PTPRK: variants seen among roughly 807,000 people sequenced by gnomAD.
PTPRK encodes the protein protein tyrosine phosphatase receptor type K.
In PTPRK, 75 loss-of-function variants were observed where a neutral mutation model predicts 178.0. The observed-to-expected ratio is 0.42, with a 90% confidence interval of 0.35 to 0.51. The LOEUF (loss-of-function observed/expected upper bound fraction) is 0.51. Among genes scored for constraint, PTPRK ranks in the 20% least tolerant of loss-of-function variants. The pLI, the probability that PTPRK is intolerant of heterozygous loss-of-function variation, is 0.02. For synonymous variants in PTPRK, 637 were observed against 620.6 expected, an observed-to-expected ratio of 1.03 and a Z score of -0.39; for missense variants, 1,441 against 1,797.8, an observed-to-expected ratio of 0.80 and a Z score of 3.59.
intron 6 of PTPRK, among the ~76,000 whole-genome samples, chr6:128,216,789 C>T (rs141459527): frequency 3.3e-5 from 5 of 150,866 alleles, no homozygotes; most frequent in Admixed American, 6.6e-5. Flanking sequence ...AGAAAATGTT[C>T]GCATGAAAGA....
At chr6:128,488,291 T>C (rs938900593) in intron 1 of PTPRK, among the ~76,000 whole-genome samples, 8 of 152,338 alleles carry the variant, frequency 5.3e-5, no homozygotes, top group Middle Eastern at 3.4e-3. Flanking sequence ...TTATTCTAGC[T>C]GCGCTGGCAG....
chr6:128,078,985 G>A, intron 10 of PTPRK, 67 bp from the exon 11 acceptor site: 2 of 1,041,608 alleles, frequency 1.9e-6, no homozygotes, highest in Admixed American at 1.9e-5. Flanking sequence ...AGGTCAGAAT[G>A]AACAGACAAT....
chr6:128,496,189 G>A (rs1019756938), intron 1 of PTPRK, among the ~76,000 whole-genome samples: 1 of 152,146 alleles, frequency 6.6e-6, no homozygotes, highest in Non-Finnish European at 1.5e-5. Flanking sequence ...GCTGAAGACT[G>A]AGAGTGTCTT....
intron 7 of PTPRK, among the ~76,000 whole-genome samples, chr6:128,139,886 C>CT (rs1281065259): frequency 8.9e-5 from 3 of 33,636 alleles, no homozygotes; most frequent in African/African-American, 2.4e-4. Context: ...TCACTAGCAA[C>CT]ATTTTTTTTT....
At chr6:128,235,183 T>C (rs1405801551) in intron 5 of PTPRK, among the ~76,000 whole-genome samples, 1 of 152,074 alleles carries the variant, frequency 6.6e-6, no homozygotes, top group East Asian at 1.9e-4. Flanking sequence ...ATAAAAATAA[T>C]TCAAGAATAT....
At chr6:128,152,111 G>C (rs975110854) in intron 7 of PTPRK, among the ~76,000 whole-genome samples, 2 of 151,958 alleles carry the variant, frequency 1.3e-5, no homozygotes, top group Non-Finnish European at 2.9e-5. Context: ...GAAGGTAGAA[G>C]GGAGGACATT....
chr6:128,493,591 TACACACACAC>T (rs59656384), intron 1 of PTPRK, among the ~76,000 whole-genome samples: 9,148 of 123,902 alleles, frequency 0.074, 471 homozygotes, highest in East Asian at 0.24. Flanking sequence ...TCCCGCCCCC[TACACACACAC>T]ACACACACAC....
chr6:128,358,225 A>G (rs1834215101), intron 2 of PTPRK, among the ~76,000 whole-genome samples: 1 of 152,248 alleles, frequency 6.6e-6, no homozygotes, highest in Non-Finnish European at 1.5e-5. Flanking sequence ...ACAATTTACT[A>G]TAATGGTCCT....
intron 21 of PTPRK, among the ~76,000 whole-genome samples, chr6:127,988,316 T>C (rs1406520042): frequency 6.7e-6 from 1 of 148,258 alleles, no homozygotes; most frequent in Non-Finnish European, 1.5e-5. Flanking sequence ...TTTTTTTTTT[T>C]TTTTTGAGAC....
At chr6:128,106,134 T>A (rs1789680499) in intron 7 of PTPRK, among the ~76,000 whole-genome samples, 3 of 152,144 alleles carry the variant, frequency 2.0e-5, no homozygotes, top group Non-Finnish European at 1.5e-5. Context: ...CTTATAGAGT[T>A]GAATTAAGGA....
intron 2 of PTPRK, among the ~76,000 whole-genome samples, chr6:128,360,704 A>G (rs749866413): frequency 2.6e-5 from 4 of 152,162 alleles, no homozygotes; most frequent in South Asian, 2.1e-4. Flanking sequence ...ATGAGCATCA[A>G]TTAAACTTTT....
chr6:128,017,802 GTATATATATATA>G (rs34836605), intron 13 of PTPRK, among the ~76,000 whole-genome samples: 2,335 of 101,246 alleles, frequency 0.023, 110 homozygotes, highest in African/African-American at 0.073. Flanking sequence ...ATATATATGT[GTATATATATATA>G]TATATATATA....
At chr6:128,258,881 G>T (rs1343968856) in intron 3 of PTPRK, among the ~76,000 whole-genome samples, 1 of 152,070 alleles carries the variant, frequency 6.6e-6, no homozygotes, top group Non-Finnish European at 1.5e-5. Context: ...AATGAGGGAG[G>T]CAGAGAGCAG....
At chr6:128,059,189 T>G (rs966335814) in intron 13 of PTPRK, among the ~76,000 whole-genome samples, 7 of 151,848 alleles carry the variant, frequency 4.6e-5, no homozygotes, top group African/African-American at 1.7e-4. Flanking sequence ...TTAACAAAAT[T>G]GGGATTTTGA....
At chr6:128,005,893 T>A (rs1778356675) in intron 14 of PTPRK, 2 of 503,398 alleles carry the variant, frequency 4.0e-6, no homozygotes, top group Admixed American at 8.0e-5. Flanking sequence ...TAGATAAAGT[T>A]TATAGTTTTA....
At chr6:128,131,982 T>A (rs2114464200) in intron 7 of PTPRK, among the ~76,000 whole-genome samples, 1 of 152,280 alleles carries the variant, frequency 6.6e-6, no homozygotes, top group Admixed American at 6.5e-5. Context: ...GCACAAAAAC[T>A]ATGTCTTTAA....
chr6:128,355,723 C>G (rs988391644), intron 2 of PTPRK, among the ~76,000 whole-genome samples: 1 of 152,110 alleles, frequency 6.6e-6, no homozygotes, highest in Non-Finnish European at 1.5e-5. Context: ...GTGCAGCACA[C>G]CAACATGGCA....
chr6:128,464,672 T>TATATATAC (rs1849620118), intron 1 of PTPRK, among the ~76,000 whole-genome samples: 2 of 124,830 alleles, frequency 1.6e-5, no homozygotes, highest in African/African-American at 6.3e-5. Context: ...TATATATATA[T>TATATATAC]ATACAACAGA....
chr6:128,058,352 T>G (rs1476792732), intron 13 of PTPRK, among the ~76,000 whole-genome samples: 1 of 152,138 alleles, frequency 6.6e-6, no homozygotes, highest in Non-Finnish European at 1.5e-5. Context: ...ATTTTACTAA[T>G]TTTGGTATAG....
Sources: allele counts gnomAD v4.1 joint callset (sites outside exome capture counted in the v4.1 genomes callset), GRCh38; gene constraint gnomAD v4.1.1; transcripts MANE v1.5; gene names NCBI Gene and HGNC (gene_info 2026-07-23, HGNC 2026-07-21).